The following GLIS3 variants were observed in gnomAD, a reference collection of about 807,000 sequenced individuals.
GLIS3 encodes zinc finger protein GLIS3.
A neutral mutation model predicts 78.6 loss-of-function variants in GLIS3; 53 were observed. The ratio of observed to expected loss-of-function variants is 0.67; its 90% confidence interval spans 0.54 to 0.85. GLIS3 has a LOEUF of 0.85. GLIS3 is among the 40% of genes least tolerant of loss of function. GLIS3 has a pLI of 0.00. For synonymous variants in GLIS3, 684 were observed against 509.9 expected (o/e 1.34, Z -4.60); for missense variants, 1,703 against 1,231.1 (o/e 1.38, Z -5.74).
At chr9:4,188,911 C>T (rs369351494) in intron 2 of GLIS3, among the ~76,000 whole-genome samples, 51 of 152,164 alleles carry the variant, frequency 3.4e-4, no homozygotes, top group South Asian at 4.2e-4. Context: ...GTCTTGCTAG[C>T]GGTCTATCAA....
At chr9:4,010,753 T>C (rs2130025370) in intron 4 of GLIS3, among the ~76,000 whole-genome samples, 1 of 152,312 alleles carries the variant, frequency 6.6e-6, no homozygotes, top group Non-Finnish European at 1.5e-5. Flanking sequence ...GCCCTTCTAA[T>C]AGTTCTGTAA....
At chr9:4,130,529 G>A (rs1832898577) in intron 2 of GLIS3, among the ~76,000 whole-genome samples, 1 of 152,220 alleles carries the variant, frequency 6.6e-6, no homozygotes, top group South Asian at 2.1e-4. Context: ...GGCTCAAAGG[G>A]GCCCAGGTAC....
chr9:4,186,731 G>C (rs964209152), intron 2 of GLIS3, among the ~76,000 whole-genome samples: 15 of 152,008 alleles, frequency 9.9e-5, no homozygotes, highest in Non-Finnish European at 1.9e-4. Context: ...GTTTTGATTT[G>C]CATTTCTCTG....
the GLIS3 span, among the ~76,000 whole-genome samples, chr9:4,409,971 G>A: frequency 6.6e-6 from 1 of 152,090 alleles, no homozygotes; most frequent in Non-Finnish European, 1.5e-5. Context: ...GTTTTGGGAG[G>A]TCTGTATGGG....
chr9:4,228,190 T>C (rs541032990), intron 2 of GLIS3, among the ~76,000 whole-genome samples: 1 of 94,482 alleles, frequency 1.1e-5, no homozygotes, highest in East Asian at 2.9e-4. Flanking sequence ...AAGAGAAGTC[T>C]AAGGTGGCAA....
the GLIS3 span, among the ~76,000 whole-genome samples, chr9:4,356,517 A>AG: frequency 4.9e-4 from 75 of 152,360 alleles, 1 homozygote; most frequent in African/African-American, 1.8e-3. Context: ...GACAGATATT[A>AG]GATGGGAGGA....
At chr9:4,136,957 T>C (rs769968293) in intron 2 of GLIS3, among the ~76,000 whole-genome samples, 10 of 152,208 alleles carry the variant, frequency 6.6e-5, no homozygotes, top group Non-Finnish European at 1.5e-4. Flanking sequence ...AGTCACCTGA[T>C]GTGCATCTGG....
At chr9:3,850,541 T>C (rs1819363748) in intron 9 of GLIS3, among the ~76,000 whole-genome samples, 1 of 152,240 alleles carries the variant, frequency 6.6e-6, no homozygotes, top group African/African-American at 2.4e-5. Flanking sequence ...GTCACTGTTG[T>C]GGTGTTCTGT....
At chr9:4,217,855 A>T (rs551260394) in intron 2 of GLIS3, among the ~76,000 whole-genome samples, 1 of 152,246 alleles carries the variant, frequency 6.6e-6, no homozygotes. Context: ...AGCAGCATGA[A>T]ATAGTATTTA....
At chr9:4,205,084 G>C (rs887761482) in intron 2 of GLIS3, among the ~76,000 whole-genome samples, 1 of 150,236 alleles carries the variant, frequency 6.7e-6, no homozygotes, top group Non-Finnish European at 1.5e-5. Context: ...GCTGAGGCAG[G>C]AGAATTACTT....
chr9:4,487,742 C>T, the GLIS3 span, among the ~76,000 whole-genome samples: 2 of 151,486 alleles, frequency 1.3e-5, no homozygotes, highest in African/African-American at 4.9e-5. Context: ...GGCTGGAGTA[C>T]AGTGGTACAA....
rs528043490 is a variant in GLIS3 at position 3,977,461 on chromosome 9, G to A, written c.1711-40272C>T. Among the ~76,000 whole-genome samples the A allele has an allele frequency of 1.5e-3, 234 of 152,198 alleles. 1 individual carries two copies. The highest frequency in any genetic ancestry group is 5.4e-3 in the African/African-American group (226 of 41,524). ...TTAAAAAGACTAATGAGAGCTGCTC[G>A]GTAAGAAAAGAAAAGATTTATTGAA... On this transcript the variant is annotated intron_variant, in intron 4 of 10. Coordinates refer to ENST00000381971, the MANE Select transcript of GLIS3 (RefSeq NM_001042413.2). The surrounding 1 kb of genome is among the most constrained non-coding windows in gnomAD (Gnocchi z 4.1).
intron 7 of GLIS3, among the ~76,000 whole-genome samples, chr9:3,893,101 C>G (rs1013635887): frequency 6.6e-6 from 1 of 152,166 alleles, no homozygotes; most frequent in African/African-American, 2.4e-5. Flanking sequence ...CTCCCACCCT[C>G]TACCTTCCGA....
intron 2 of GLIS3, among the ~76,000 whole-genome samples, chr9:4,328,505 C>G (rs1448461134): frequency 2.0e-5 from 3 of 152,222 alleles, no homozygotes; most frequent in Admixed American, 1.3e-4. Flanking sequence ...TGCCCTAAAC[C>G]ATAATCCCCT....
the GLIS3 span, among the ~76,000 whole-genome samples, chr9:4,465,244 C>G: frequency 6.6e-6 from 1 of 152,212 alleles, no homozygotes; most frequent in Non-Finnish European, 1.5e-5. Context: ...TGCATACATT[C>G]TTAGTCTAAA....
At chr9:4,255,561 A>T (rs1824846042) in intron 2 of GLIS3, among the ~76,000 whole-genome samples, 1 of 152,256 alleles carries the variant, frequency 6.6e-6, no homozygotes, top group Admixed American at 6.5e-5. Flanking sequence ...AAGCCATGAC[A>T]AGATATGTAG....
intron 3 of GLIS3, among the ~76,000 whole-genome samples, chr9:4,309,725 A>T (rs1440131789): frequency 6.6e-6 from 1 of 151,958 alleles, no homozygotes; most frequent in South Asian, 2.1e-4. Context: ...ACTCTCATTT[A>T]TTTTTTATCT....
At chr9:4,261,674 AACTC>A (rs2130022591) in intron 2 of GLIS3, among the ~76,000 whole-genome samples, 1 of 152,290 alleles carries the variant, frequency 6.6e-6, no homozygotes, top group South Asian at 2.1e-4. Flanking sequence ...CACATTACGT[AACTC>A]ACTCACTTCT....
At chr9:4,135,213 TTATTGC>T (rs1296517167) in intron 2 of GLIS3, among the ~76,000 whole-genome samples, 2 of 152,226 alleles carry the variant, frequency 1.3e-5, no homozygotes, top group African/African-American at 2.4e-5. Context: ...GGGATTATCT[TTATTGC>T]TATTTTAAAT....
Sources: allele counts gnomAD v4.1 joint callset (sites outside exome capture counted in the v4.1 genomes callset), GRCh38; gene constraint gnomAD v4.1.1; non-coding constraint Gnocchi (gnomAD v3.1); transcripts MANE v1.5; gene names NCBI Gene and HGNC (gene_info 2026-07-23, HGNC 2026-07-21).